Variants in MTF1 observed in about 807,000 individuals in gnomAD.
The protein encoded by MTF1 is MRE-binding transcription factor.
Under a neutral mutation model 70.4 loss-of-function variants are expected in MTF1, and 22 were observed. The ratio of observed to expected loss-of-function variants is 0.31; its 90% CI spans 0.22 to 0.45. The LOEUF (loss-of-function observed/expected upper bound fraction) is 0.45. Among genes scored for constraint, MTF1 ranks in the 20% least tolerant of loss-of-function variants. The probability of loss-of-function intolerance (pLI) is 1.00; values close to 1 mark genes in which losing one functional copy is unlikely to be tolerated. For synonymous variants in MTF1, 333 were observed against 352.8 expected (o/e 0.94, Z 0.63); for missense variants, 649 against 922.0 (o/e 0.70, Z 3.83).
intron 7 of MTF1, among the ~76,000 whole-genome samples, chr1:37,830,978 A>G (rs1280249764): frequency 6.6e-6 from 1 of 152,202 alleles, no homozygotes; most frequent in African/African-American, 2.4e-5. Context: ...TGGTTATTCA[A>G]GCCAGTAAGA....
At chr1:37,817,677 A>T (rs1192947952) in intron 9 of MTF1, among the ~76,000 whole-genome samples, 195 bp from the exon 10 acceptor site, 4 of 152,166 alleles carry the variant, frequency 2.6e-5, no homozygotes, top group Admixed American at 6.5e-5. Context: ...AGTGCTGACA[A>T]CGTAGTTAGC....
chr1:37,823,770 A>G lies in MTF1; in HGVS notation c.1111T>C (p.Phe371Leu). Residue 371 changes from phenylalanine to leucine, a missense_variant, in exon 8 of 11, where the codon TTT (phenylalanine) becomes CTT (leucine). Coordinates refer to ENST00000373036, the MANE Select transcript of MTF1 (RefSeq NM_005955.3). ...TCTGAATTCTGGAACATTGATTCAA[A>G]GATGATTGCTGGTGAAATTGTGCTG... ...DLSTISPAII[F>L]ESMFQNSDDT... The G allele has an allele frequency of 6.2e-7, 1 of 1,614,126 alleles. No homozygotes were observed. The highest frequency in any genetic ancestry group is 1.1e-5 in the South Asian group (1 of 91,088).
rs767077344 is a variant in MTF1 at position 37,839,913 on chromosome 1, G to A, written c.647+7C>T. The A allele has an allele frequency of 6.2e-6, 10 of 1,609,418 alleles. No homozygotes were observed. Among genetic ancestry groups the A allele is most frequent in the Non-Finnish European group, 8.5e-6 (10 of 1,175,842 alleles). ...GAGGCTGGCAGAGCATTGGAGACGAGACTGACCTGTACAGTGTGTTGAATG... is the reference window on the plus strand; with the variant it reads ...GAGGCTGGCAGAGCATTGGAGACGAAACTGACCTGTACAGTGTGTTGAATG... On this transcript the variant is annotated splice_region_variant and intron_variant, in intron 3 of 10. Transcript: ENST00000373036.
chr1:37,843,745 G>A (rs1345821762), intron 2 of MTF1, among the ~76,000 whole-genome samples: 1 of 152,166 alleles, frequency 6.6e-6, no homozygotes, highest in Admixed American at 6.5e-5. Context: ...TTAGGCTCAA[G>A]GGCTGTGCAA....
chr1:37,822,606 A>C lies in MTF1; in HGVS notation c.1282T>G (p.Ser428Ala). Residue 428 changes from serine to alanine, a missense_variant, in exon 9 of 11, where the codon TCC (serine) becomes GCC (alanine). Transcript: ENST00000373036. ...GGTAGTAGAGGCTGGGGTGGCTCGG[A>C]GAGGCCAGGTTGCAGTACAAGTGGA... ...SLPLVLQPGLSEPPQPLLPAS... is the reference protein window; with the variant it reads ...SLPLVLQPGLAEPPQPLLPAS... 6.2e-7 allele frequency: 1 copy of C among 1,613,964 alleles called. No homozygotes were observed. The highest frequency in any genetic ancestry group is 1.1e-5 in the South Asian group (1 of 91,076).
At chr1:37,843,247 T>G (rs528317003) in intron 2 of MTF1, among the ~76,000 whole-genome samples, 7 of 152,040 alleles carry the variant, frequency 4.6e-5, no homozygotes, top group Admixed American at 3.3e-4. Context: ...GCAGTCCTCC[T>G]GCCTCGGCAT....
chr1:37,849,713 G>T (rs1325721009), intron 2 of MTF1, among the ~76,000 whole-genome samples: 2 of 152,042 alleles, frequency 1.3e-5, no homozygotes, highest in African/African-American at 4.8e-5. Context: ...AGAATGGACT[G>T]CACAAACCAA....
In MTF1 at chr1:37,848,260, A is replaced by C. The variant is rs1341983974; in HGVS notation, c.409-8102T>G. ...ATCCAGCGAACAATCATGATGCACC[A>C]GACACTATGCTAAATGTTTTATACA... is the stretch of plus-strand genomic sequence containing the variant. On this transcript the variant is annotated intron_variant, in intron 2 of 10. Coordinates refer to ENST00000373036, the MANE Select transcript of MTF1 (RefSeq NM_005955.3). Among the ~76,000 whole-genome samples, 5 of 152,354 alleles carry C rather than the reference A, an allele frequency of 3.3e-5. No homozygotes were observed. The East Asian group carries it at 9.6e-4, about 29-fold the overall frequency.
chr1:37,842,899 T>C (rs1392354600), intron 2 of MTF1, among the ~76,000 whole-genome samples: 1 of 152,136 alleles, frequency 6.6e-6, no homozygotes, highest in Non-Finnish European at 1.5e-5. Context: ...TTAGCAAGAC[T>C]AGTTTCAGCG....
intron 7 of MTF1, among the ~76,000 whole-genome samples, chr1:37,829,548 C>G (rs765057460): frequency 6.6e-6 from 1 of 151,724 alleles, no homozygotes; most frequent in Non-Finnish European, 1.5e-5. Flanking sequence ...TTTGGGAGTC[C>G]GAGACGGGCG....
At chr1:37,818,861 C>T (rs534477684) in intron 9 of MTF1, among the ~76,000 whole-genome samples, 2 of 151,644 alleles carry the variant, frequency 1.3e-5, no homozygotes, top group South Asian at 4.2e-4. Flanking sequence ...GGTGTGGTGG[C>T]GGGTGCCTGT....
In MTF1 at chr1:37,857,321, G is replaced by C. The variant is rs761343969; in HGVS notation, c.338C>G (p.Pro113Arg). 5.0e-6 allele frequency: 8 copies of C among 1,614,138 alleles called. No homozygotes were observed. The highest frequency in any genetic ancestry group is 6.8e-6 in the Non-Finnish European group (8 of 1,180,018). The change falls in exon 2 of 11, where the codon CCC (proline) becomes CGC (arginine). Residue 113 changes from proline to arginine, a missense_variant. Coordinates refer to ENST00000373036, the MANE Select transcript of MTF1 (RefSeq NM_005955.3). ...IHLTINPGSTPMPRNIEGATL... is the reference protein window; with the variant it reads ...IHLTINPGSTRMPRNIEGATL... ...TGCACCTTCAATATTTCTTGGCATG[G>C]GTGTGGAACCAGGGTTTATTGTCAA...
At chr1:37,836,132 A>G (rs1641166350) in intron 4 of MTF1, among the ~76,000 whole-genome samples, 1 of 152,128 alleles carries the variant, frequency 6.6e-6, no homozygotes, top group Non-Finnish European at 1.5e-5. Flanking sequence ...AACTAAAACA[A>G]ATATTCAGAA....
rs184323265 is a variant in MTF1 at position 37,840,611 on chromosome 1, T to A, written c.409-453A>T. 463 of 411,658 alleles carry A rather than the reference T, an allele frequency of 1.1e-3. 1 individual carries two copies. The highest frequency in any genetic ancestry group is 8.9e-3 in the African/African-American group (430 of 48,336). The allele number at this position is 411,658 out of a possible 1,614,324, so 25.5% of individuals were successfully genotyped here. On this transcript the variant is annotated intron_variant, in intron 2 of 10. Coordinates refer to ENST00000373036, the MANE Select transcript of MTF1 (RefSeq NM_005955.3). The surrounding 1 kb of genome is among the most constrained non-coding windows in gnomAD (Gnocchi z 4.5). Reference sequence around the variant, plus strand: ...TACATACTTAATCATCAAACATATTTCCCTAGATTGTTTCCACTGCATATT... The same window carrying A: ...TACATACTTAATCATCAAACATATTACCCTAGATTGTTTCCACTGCATATT...
At chr1:37,826,401 C>T (rs1435940421) in intron 7 of MTF1, among the ~76,000 whole-genome samples, 2 of 152,218 alleles carry the variant, frequency 1.3e-5, no homozygotes, top group Admixed American at 6.5e-5. Flanking sequence ...TCCCCTAGAC[C>T]TCCCAAGTAG....
At chr1:37,832,702 A>T (rs1195593708) in intron 6 of MTF1, among the ~76,000 whole-genome samples, 1 of 152,154 alleles carries the variant, frequency 6.6e-6, no homozygotes, top group Non-Finnish European at 1.5e-5. Flanking sequence ...ATTTCTTAAA[A>T]ATGATTAATA....
intron 7 of MTF1, chr1:37,828,225 T>C (rs1470755813): frequency 5.5e-6 from 2 of 364,710 alleles, no homozygotes; most frequent in Non-Finnish European, 1.1e-5. Flanking sequence ...GTCAGAATAG[T>C]GGTTGTCTGC....
At chr1:37,820,158 G>T (rs1640889455) in intron 9 of MTF1, among the ~76,000 whole-genome samples, 1 of 152,156 alleles carries the variant, frequency 6.6e-6, no homozygotes, top group Admixed American at 6.6e-5. Flanking sequence ...AGGCTCTCTA[G>T]ATCTAGACGG....
At chr1:37,858,857 T>C (rs1321648243) in intron 1 of MTF1, among the ~76,000 whole-genome samples, 2 of 152,252 alleles carry the variant, frequency 1.3e-5, no homozygotes, top group Admixed American at 6.5e-5. Flanking sequence ...ACACAGGCTC[T>C]ACAAATGTGG....
Sources: allele counts gnomAD v4.1 joint callset (sites outside exome capture counted in the v4.1 genomes callset), GRCh38; gene constraint gnomAD v4.1.1; non-coding constraint Gnocchi (gnomAD v3.1); transcripts MANE v1.5; gene names NCBI Gene and HGNC (gene_info 2026-07-23, HGNC 2026-07-21).